The following XIRP2 variants were observed in gnomAD, a reference collection of about 807,000 sequenced individuals.
XIRP2 encodes the protein xin actin-binding repeat-containing protein 2.
In XIRP2, 236 loss-of-function variants were observed where a neutral mutation model predicts 277.0. The observed-to-expected ratio is 0.85, with a 90% CI of 0.77 to 0.95. XIRP2 has a LOEUF of 0.95. Among genes scored for constraint, XIRP2 ranks in the 40% least tolerant of loss-of-function variants. The pLI, the probability that XIRP2 is intolerant of heterozygous loss-of-function variation, is 0.00. For missense variants in XIRP2, 4,640 were observed against 4,157.5 expected (o/e 1.12, Z -3.19); for synonymous variants, 1,490 against 1,416.5 (o/e 1.05, Z -1.17).
intron 2 of XIRP2, among the ~76,000 whole-genome samples, chr2:167,103,111 C>T (rs1574257555): frequency 6.6e-6 from 1 of 151,722 alleles, no homozygotes; most frequent in African/African-American, 2.4e-5. Context: ...TACACTCCAG[C>T]CTGGGCTATG....
At chr2:166,950,542 G>A (rs369827911) in intron 2 of XIRP2, among the ~76,000 whole-genome samples, 2 of 152,010 alleles carry the variant, frequency 1.3e-5, no homozygotes, top group Non-Finnish European at 2.9e-5. Context: ...ATTATAGGGA[G>A]CTATTGTAGA....
At chr2:167,022,516 G>GTATA (rs1688012385) in intron 2 of XIRP2, among the ~76,000 whole-genome samples, 1 of 152,064 alleles carries the variant, frequency 6.6e-6, no homozygotes, top group Non-Finnish European at 1.5e-5. Flanking sequence ...AGTTACCTAT[G>GTATA]TATACATGTG....
intron 5 of XIRP2, among the ~76,000 whole-genome samples, chr2:167,230,168 T>C (rs1191541824): frequency 3.3e-5 from 5 of 152,082 alleles, no homozygotes; most frequent in Non-Finnish European, 1.5e-5. Context: ...AATTTATTCT[T>C]TTTCCTCAGA....
At chr2:167,204,034 A>G (rs2105381474) in intron 3 of XIRP2, among the ~76,000 whole-genome samples, 1 of 152,216 alleles carries the variant, frequency 6.6e-6, no homozygotes, top group African/African-American at 2.4e-5. Flanking sequence ...CTATTGATGT[A>G]TCACCTGAAG....
At chr2:167,214,327 G>GGAAGGAAGGAAGGAAGGAAGGAAGGA in intron 4 of XIRP2, among the ~76,000 whole-genome samples, 1 of 150,052 alleles carries the variant, frequency 6.7e-6, no homozygotes, top group African/African-American at 2.4e-5. Context: ...AAGGAAGGAA[G>GGAAGGAAGGAAGGAAGGAAGGAAGGA]ATAGCCAAGC....
chr2:167,153,421 A>C (rs1692079697), intron 3 of XIRP2, among the ~76,000 whole-genome samples: 2 of 150,764 alleles, frequency 1.3e-5, no homozygotes, highest in Admixed American at 6.6e-5. Flanking sequence ...TTTTATTGTT[A>C]TTATACTTTA....
chr2:167,164,726 A>G (rs1454909442), intron 3 of XIRP2, among the ~76,000 whole-genome samples: 1 of 152,134 alleles, frequency 6.6e-6, no homozygotes, highest in Non-Finnish European at 1.5e-5. Context: ...TTTAATGGAC[A>G]TTATTTTTAA....
intron 3 of XIRP2, among the ~76,000 whole-genome samples, chr2:167,161,017 T>C (rs746808112): frequency 6.6e-6 from 1 of 152,112 alleles, no homozygotes; most frequent in Non-Finnish European, 1.5e-5. Context: ...CCCAGGCAAG[T>C]CCAAAATCCA....
chr2:167,172,699 G>T (rs1348577919), intron 3 of XIRP2, among the ~76,000 whole-genome samples: 2 of 152,136 alleles, frequency 1.3e-5, no homozygotes, highest in Admixed American at 6.5e-5. Flanking sequence ...CAGACCTAAT[G>T]GTCATTTCCC....
chr2:166,936,740 T>C (rs1021918760), intron 2 of XIRP2, among the ~76,000 whole-genome samples: 1 of 152,162 alleles, frequency 6.6e-6, no homozygotes, highest in Non-Finnish European at 1.5e-5. Flanking sequence ...TGGTATTACT[T>C]CTGAGGGCTC....
chr2:167,174,187 T>A (rs902752130), intron 3 of XIRP2, among the ~76,000 whole-genome samples: 1 of 152,210 alleles, frequency 6.6e-6, no homozygotes, highest in African/African-American at 2.4e-5. Context: ...TCAGAAGGAA[T>A]GGTACCAACT....
chr2:166,893,036 C>T (rs76286067), intron 1 of XIRP2, among the ~76,000 whole-genome samples: 4 of 150,246 alleles, frequency 2.7e-5, no homozygotes, highest in African/African-American at 4.9e-5. Flanking sequence ...AGAGAGGGAT[C>T]GCATGCTGAT....
At chr2:167,254,719 T>C (rs1252603393) in intron 10 of XIRP2, among the ~76,000 whole-genome samples, 1 of 151,828 alleles carries the variant, frequency 6.6e-6, no homozygotes, top group Non-Finnish European at 1.5e-5. Flanking sequence ...ACTAAGTTTT[T>C]AAAAATGAAA....
intron 3 of XIRP2, among the ~76,000 whole-genome samples, chr2:167,166,455 T>C (rs1040402167): frequency 6.6e-6 from 1 of 152,224 alleles, no homozygotes; most frequent in Non-Finnish European, 1.5e-5. Flanking sequence ...AAGTAGTCTA[T>C]AGATATCTAT....
At chr2:167,016,823 A>C (rs571929538) in intron 2 of XIRP2, among the ~76,000 whole-genome samples, 1 of 152,088 alleles carries the variant, frequency 6.6e-6, no homozygotes, top group East Asian at 1.9e-4. Flanking sequence ...ATTTTTACCA[A>C]GCTGATGGAG....
chr2:167,172,550 G>C (rs1011906566), intron 3 of XIRP2, among the ~76,000 whole-genome samples: 2 of 152,036 alleles, frequency 1.3e-5, no homozygotes, highest in East Asian at 3.9e-4. Context: ...TCCCCAGAAC[G>C]GCCATTTTAG....
At chr2:167,134,072 AGAT>A (rs1396138990) in intron 2 of XIRP2, among the ~76,000 whole-genome samples, 1 of 152,110 alleles carries the variant, frequency 6.6e-6, no homozygotes, top group Admixed American at 6.6e-5. Flanking sequence ...GAGTATCCAA[AGAT>A]GATATGATTA....
At chr2:167,071,317 C>A (rs1261482615) in intron 2 of XIRP2, among the ~76,000 whole-genome samples, 1 of 151,104 alleles carries the variant, frequency 6.6e-6, no homozygotes, top group Admixed American at 6.6e-5. Context: ...AATGAATTAA[C>A]AAAGTTAAAA....
At chr2:166,949,499 A>G (rs1480568559) in intron 2 of XIRP2, among the ~76,000 whole-genome samples, 1 of 152,002 alleles carries the variant, frequency 6.6e-6, no homozygotes, top group Non-Finnish European at 1.5e-5. Flanking sequence ...GGCTACAGCA[A>G]TTTTCACCTT....
Sources: allele counts gnomAD v4.1 joint callset (sites outside exome capture counted in the v4.1 genomes callset), GRCh38; gene constraint gnomAD v4.1.1; transcripts MANE v1.5; gene names NCBI Gene and HGNC (gene_info 2026-07-23, HGNC 2026-07-21).